CCNT2: variants seen among roughly 807,000 people sequenced by gnomAD.
CCNT2 encodes cyclin T2.
A neutral mutation model predicts 70.0 loss-of-function variants in CCNT2; 18 were observed. The observed-to-expected ratio is 0.26, with a 90% confidence interval of 0.18 to 0.38. The LOEUF (loss-of-function observed/expected upper bound fraction) is 0.38. Ranked by LOEUF, CCNT2 falls within the 10% of genes least tolerant of loss-of-function variation. The probability of loss-of-function intolerance (pLI) is 1.00; values close to 1 mark genes in which losing one functional copy is unlikely to be tolerated. For missense variants in CCNT2, 734 were observed against 890.2 expected, an observed-to-expected ratio of 0.82 and a Z score of 2.23; for synonymous variants, 334 against 313.3, an observed-to-expected ratio of 1.07 and a Z score of -0.70.
intron 2 of CCNT2, among the ~76,000 whole-genome samples, chr2:134,925,129 C>G (rs1215020500): frequency 2.0e-5 from 3 of 152,284 alleles, no homozygotes; most frequent in African/African-American, 7.2e-5. Flanking sequence ...GTCTGGTTGT[C>G]TCTCTTTGTA....
At chr2:134,923,848 C>T (rs956990769) in intron 2 of CCNT2, among the ~76,000 whole-genome samples, 1 of 152,146 alleles carries the variant, frequency 6.6e-6, no homozygotes, top group Non-Finnish European at 1.5e-5. Context: ...TTTTCCTGTT[C>T]TAGTATATTT....
intron 6 of CCNT2, among the ~76,000 whole-genome samples, chr2:134,946,828 C>T (rs1426956544): frequency 1.3e-5 from 2 of 151,794 alleles, no homozygotes; most frequent in African/African-American, 4.8e-5. Flanking sequence ...ATATATAATT[C>T]TGTTCTAGAT....
chr2:134,954,978 C>T lies in CCNT2; in HGVS notation c.*330C>T, dbSNP rs899502082. 4.6e-6 allele frequency: 1 copy of T among 216,574 alleles called. No individual in the cohort carries two copies. The highest frequency in any genetic ancestry group is 9.3e-6 in the Non-Finnish European group (1 of 107,562). 13.4% of individuals were successfully genotyped at this position (216,574 alleles called of 1,614,324 possible). On this transcript the variant is annotated 3_prime_UTR_variant, in exon 9 of 9. Transcript: ENST00000264157. Reference sequence around the variant, plus strand: ...GCATTCATTATTTATGATTTGAATACTGTAGCTATTTTTTGTTGCTTGGCT... The same window carrying T: ...GCATTCATTATTTATGATTTGAATATTGTAGCTATTTTTTGTTGCTTGGCT...
Position 134,953,638 on chromosome 2 carries a change from C to G in CCNT2, c.1183C>G (p.His395Asp), listed in dbSNP as rs769363646. Reference protein sequence around the residue: ...PSISLHSGLHHRPDKISDHSS... With the variant: ...PSISLHSGLHDRPDKISDHSS... ...TATATCACTGCATTCAGGATTACAT[C>G]ACAGACCTGACAAAATTTCAGATCA... is the stretch of plus-strand genomic sequence containing the variant. The change falls in exon 9 of 9, where the codon CAC (histidine) becomes GAC (aspartate). Residue 395 changes from histidine to aspartate, a missense_variant. Physicochemically the swap from His to Asp is moderately conservative, Grantham distance 81. This residue lies in a region of CCNT2 where 532 missense variants were observed against 556.9 expected (regional missense o/e 0.96). Transcript: ENST00000264157. The G allele has an allele frequency of 1.2e-6, 2 of 1,614,020 alleles. No individual in the cohort carries two copies. Among genetic ancestry groups the G allele is most frequent in the Non-Finnish European group, 1.7e-6 (2 of 1,180,008 alleles).
Position 134,918,835 on chromosome 2 carries a change from C to T in CCNT2, c.-20C>T, listed in dbSNP as rs200294959. The T allele has an allele frequency of 8.7e-6, 14 of 1,603,678 alleles. No individual in the cohort carries two copies. The East Asian group carries it at 2.5e-4, about 28-fold the overall frequency. ...GAGGGGCGGGGGGTGAATGAAGGAG[C>T]GGGCGGAGGAGGAAGTGTCATGGCG... On this transcript the variant is annotated 5_prime_UTR_variant, in exon 1 of 9. Transcript: ENST00000264157.
chr2:134,936,945 G>A lies in CCNT2; in HGVS notation c.345G>A (p.Glu115=), dbSNP rs570577437. 2 of 1,610,008 alleles carry A rather than the reference G, an allele frequency of 1.2e-6. No homozygotes were observed. The highest frequency in any genetic ancestry group is 3.3e-5 in the Admixed American group (2 of 59,928). The change falls in exon 3 of 9, where the codon GAG becomes GAA. Residue 115 remains glutamate (E), a synonymous_variant. Coordinates refer to ENST00000264157, the MANE Select transcript of CCNT2 (RefSeq NM_058241.3). ...CACATGCTTGTCTTCATCCTCTAGAGCCACTGCTGGATACTAAATGTGATG... is the reference window on the plus strand; with the variant it reads ...CACATGCTTGTCTTCATCCTCTAGAACCACTGCTGGATACTAAATGTGATG... ...KVAHACLHPL[E]PLLDTKCDAY... is the part of the protein sequence containing the mutation.
chr2:134,942,810 T>G, intron 5 of CCNT2, 136 bp downstream of exon 5: 1 of 1,407,710 alleles, frequency 7.1e-7, no homozygotes, highest in South Asian at 1.6e-5. Context: ...TTTTAAGCAT[T>G]ACTTTTTAGT....
rs1415920944 is a variant in CCNT2 at position 134,957,559 on chromosome 2, A to G, written c.*2911A>G. The stretch of plus-strand genomic sequence containing the variant: ...GTCCCTCTGAATATTTGCCTTAGCT[A>G]TTTCAAAATAGGTATTTTCAGAACC... On this transcript the variant is annotated 3_prime_UTR_variant, in exon 9 of 9. Coordinates refer to ENST00000264157, the MANE Select transcript of CCNT2 (RefSeq NM_058241.3). 2 of 150,670 alleles carry G rather than the reference A, an allele frequency of 1.3e-5. No individual in the cohort carries two copies. Among genetic ancestry groups the G allele is most frequent in the Non-Finnish European group, 2.9e-5 (2 of 67,888 alleles). 9.3% of individuals were successfully genotyped at this position (150,670 alleles called of 1,614,324 possible).
At chr2:134,923,274 C>CT (rs1371288933) in intron 2 of CCNT2, among the ~76,000 whole-genome samples, 4 of 152,058 alleles carry the variant, frequency 2.6e-5, no homozygotes, top group Non-Finnish European at 5.9e-5. Context: ...GAACGAGACT[C>CT]TATCTCAAAA....
At chr2:134,939,487 A>G (rs1322677500) in intron 4 of CCNT2, among the ~76,000 whole-genome samples, 1 of 151,476 alleles carries the variant, frequency 6.6e-6, no homozygotes, top group Non-Finnish European at 1.5e-5. Context: ...TATTTTTAAG[A>G]CGGAGTCTCG....
chr2:134,928,293 T>TTTTTTC (rs1680452985), intron 2 of CCNT2, among the ~76,000 whole-genome samples: 1 of 147,872 alleles, frequency 6.8e-6, no homozygotes, highest in Admixed American at 6.8e-5. Context: ...TTTTTTTTTT[T>TTTTTTC]CTGAGACGGA....
intron 8 of CCNT2, 43 bp downstream of exon 8, chr2:134,952,754 G>A: frequency 7.3e-7 from 1 of 1,373,388 alleles, no homozygotes; most frequent in Non-Finnish European, 1.0e-6. Context: ...AGTCTTTTAT[G>A]TAACATTTAC....
At chr2:134,927,804 A>G (rs1408182016) in intron 2 of CCNT2, among the ~76,000 whole-genome samples, 1 of 152,204 alleles carries the variant, frequency 6.6e-6, no homozygotes, top group Non-Finnish European at 1.5e-5. Context: ...GATTAGGGGA[A>G]ATGATGGAAT....
At chr2:134,951,416 ACTT>A (rs961332260) in intron 7 of CCNT2, among the ~76,000 whole-genome samples, 13 of 152,234 alleles carry the variant, frequency 8.5e-5, no homozygotes, top group Non-Finnish European at 1.3e-4. Flanking sequence ...AAACCACACT[ACTT>A]TGGAAAAGTG....
intron 2 of CCNT2, among the ~76,000 whole-genome samples, chr2:134,932,479 A>G (rs1479136086): frequency 6.6e-6 from 1 of 152,178 alleles, no homozygotes; most frequent in African/African-American, 2.4e-5. Context: ...TTGAATACTG[A>G]TATTTTGGGG....
intron 5 of CCNT2, chr2:134,945,438 G>T: frequency 1.0e-6 from 1 of 985,290 alleles, no homozygotes; most frequent in Non-Finnish European, 1.2e-6. Flanking sequence ...CTTTCTGTTG[G>T]GTATCAGTGT....
At chr2:134,940,317 T>G (rs1365663209) in intron 4 of CCNT2, among the ~76,000 whole-genome samples, 2 of 152,000 alleles carry the variant, frequency 1.3e-5, no homozygotes, top group African/African-American at 4.8e-5. Context: ...TGCAACAATT[T>G]GAAAAAACTT....
At chr2:134,945,433 T>TGTTG (rs1681881667) in intron 5 of CCNT2, 1 of 985,320 alleles carries the variant, frequency 1.0e-6, no homozygotes, top group Non-Finnish European at 1.2e-6. Context: ...ATTGCCTTTC[T>TGTTG]GTTGGGTATC....
At chr2:134,919,531 C>G (rs1376804917) in intron 1 of CCNT2, among the ~76,000 whole-genome samples, 1 of 152,076 alleles carries the variant, frequency 6.6e-6, no homozygotes, top group African/African-American at 2.4e-5. Flanking sequence ...TCAACTGTTT[C>G]ATTTTGAGTT....
Sources: gnomAD v4.1 joint callset for allele counts (sites outside exome capture counted in the v4.1 genomes callset) on GRCh38, gnomAD v4.1.1 for gene constraint, gnomAD v4.1.1 regional missense constraint, MANE v1.5 for transcripts, NCBI Gene and HGNC (gene_info 2026-07-23, HGNC 2026-07-21) for gene names.